Variants in SKIL observed in about 807,000 individuals in gnomAD.
SKIL encodes the protein SKI like proto-oncogene, also known as ski-like protein.
SKIL carries 20 observed loss-of-function variants against 69.6 expected under a neutral mutation model. That is an observed-to-expected ratio of 0.29 (90% confidence interval 0.20 to 0.42). The LOEUF is 0.42. SKIL is among the 10% of genes least tolerant of loss of function. The pLI is 1.00. For synonymous variants in SKIL, 310 were observed against 279.9 expected, an observed-to-expected ratio of 1.11 and a Z score of -1.08; for missense variants, 745 against 783.1, an observed-to-expected ratio of 0.95 and a Z score of 0.58.
intron 1 of SKIL, among the ~76,000 whole-genome samples, chr3:170,359,266 C>T (rs1736096931): frequency 1.3e-5 from 2 of 152,222 alleles, no homozygotes; most frequent in African/African-American, 2.4e-5. Flanking sequence ...ATCACTCAAG[C>T]TTCACCTTGG....
chr3:170,384,987 C>T, intron 4 of SKIL: 1 of 329,488 alleles, frequency 3.0e-6, no homozygotes, highest in Non-Finnish European at 5.5e-6. Flanking sequence ...TACAGGCTAC[C>T]TGGCCTCAGA....
chr3:170,367,865 A>G (rs562604454), intron 2 of SKIL, among the ~76,000 whole-genome samples: 1 of 152,340 alleles, frequency 6.6e-6, no homozygotes, highest in East Asian at 1.9e-4. Flanking sequence ...TCTATAGATT[A>G]CTTATGATAC....
At chr3:170,362,868 C>T (rs1250375786) in intron 2 of SKIL, among the ~76,000 whole-genome samples, 2 of 148,336 alleles carry the variant, frequency 1.3e-5, no homozygotes, top group East Asian at 1.9e-4. Context: ...TTTATTTTTC[C>T]TGCTGCATTA....
At chr3:170,377,888 A>G (rs1238987387) in intron 2 of SKIL, among the ~76,000 whole-genome samples, 2 of 131,148 alleles carry the variant, frequency 1.5e-5, no homozygotes, top group Non-Finnish European at 3.3e-5. Flanking sequence ...TCCCACATAC[A>G]TATTTTTTTC....
At chr3:170,364,163 G>C (rs955445367) in intron 2 of SKIL, among the ~76,000 whole-genome samples, 2 of 152,046 alleles carry the variant, frequency 1.3e-5, no homozygotes, top group African/African-American at 4.8e-5. Context: ...ATGTTGCCCA[G>C]GCTGGCCTCG....
At chr3:170,370,785 G>GA (rs1221293349) in intron 2 of SKIL, among the ~76,000 whole-genome samples, 2 of 151,968 alleles carry the variant, frequency 1.3e-5, no homozygotes, top group African/African-American at 4.8e-5. Context: ...ACAAAAGATT[G>GA]AAAAAAACAA....
chr3:170,385,800 CTTTTT>C (rs903813500), intron 4 of SKIL, among the ~76,000 whole-genome samples: 1 of 149,526 alleles, frequency 6.7e-6, no homozygotes, highest in Non-Finnish European at 1.5e-5. Flanking sequence ...TTCTTTCTTT[CTTTTT>C]TTTCTTTTTT....
chr3:170,369,719 T>G (rs768224606), intron 2 of SKIL, among the ~76,000 whole-genome samples: 1 of 152,126 alleles, frequency 6.6e-6, no homozygotes, highest in East Asian at 1.9e-4. Flanking sequence ...CTAATTTTAA[T>G]CCCTTTAGAA....
chr3:170,387,766 A>AAAAAAAAAAAC (rs1416419622), intron 4 of SKIL, among the ~76,000 whole-genome samples: 1 of 132,568 alleles, frequency 7.5e-6, no homozygotes, highest in Non-Finnish European at 1.7e-5. Flanking sequence ...TACTAAAAAA[A>AAAAAAAAAAAC]AAAAAAAATA....
At chr3:170,389,606 G>T (rs556900791) in intron 4 of SKIL, among the ~76,000 whole-genome samples, 1 of 152,072 alleles carries the variant, frequency 6.6e-6, no homozygotes, top group Non-Finnish European at 1.5e-5. Context: ...GAGCCACCGC[G>T]CCTGGCCAGA....
At chr3:170,370,438 A>G (rs186507741) in intron 2 of SKIL, among the ~76,000 whole-genome samples, 26 of 12,348 alleles carry the variant, frequency 2.1e-3, no homozygotes, top group South Asian at 4.9e-3. Context: ...AGAGAGAGAG[A>G]GCCCCCCCCC....
intron 2 of SKIL, among the ~76,000 whole-genome samples, chr3:170,362,234 G>C (rs1196915965): frequency 1.3e-5 from 2 of 152,210 alleles, no homozygotes; most frequent in South Asian, 2.1e-4. Context: ...CGGGCTCAGT[G>C]GCTCACACCT....
chr3:170,380,906 C>A (rs976916830), intron 2 of SKIL, among the ~76,000 whole-genome samples: 3 of 151,776 alleles, frequency 2.0e-5, no homozygotes, highest in Non-Finnish European at 4.4e-5. Context: ...TGGTTCACTG[C>A]AAGCCTCAAC....
rs147579431 is a variant in SKIL, at chr3:170,386,319, G to A, written c.1429+1554G>A. On this transcript the variant is annotated intron_variant, in intron 4 of 6. Coordinates refer to ENST00000259119, the MANE Select transcript of SKIL (RefSeq NM_005414.5). ...CTAATTTTGTATTTTTAGTAGACACGGGGTTTTTCCATGTTGGTCAGTCTG... is the reference window on the plus strand; with the variant it reads ...CTAATTTTGTATTTTTAGTAGACACAGGGTTTTTCCATGTTGGTCAGTCTG... 5.4e-3 allele frequency among the ~76,000 whole-genome samples: 810 copies of A among 151,028 alleles called. 5 individuals carry two copies. The highest frequency in any genetic ancestry group is 0.018 in the African/African-American group (733 of 41,106).
At chr3:170,375,031 A>C (rs1203814786) in intron 2 of SKIL, among the ~76,000 whole-genome samples, 1 of 152,210 alleles carries the variant, frequency 6.6e-6, no homozygotes, top group African/African-American at 2.4e-5. Context: ...TATTTGATAG[A>C]TGAGTCCCTA....
At chr3:170,383,716 G>GCT (rs1737474494) in intron 3 of SKIL, among the ~76,000 whole-genome samples, 1 of 152,094 alleles carries the variant, frequency 6.6e-6, no homozygotes. Flanking sequence ...GACATTCAGA[G>GCT]CTCTCTCTCT....
At chr3:170,363,305 A>G (rs1474086944) in intron 2 of SKIL, among the ~76,000 whole-genome samples, 3 of 152,130 alleles carry the variant, frequency 2.0e-5, no homozygotes, top group Admixed American at 1.3e-4. Context: ...TGGTGCCTTT[A>G]AGGTTTTGAG....
In SKIL at chr3:170,390,332, A is replaced by T. The variant is rs777463243; in HGVS notation, c.1539A>T (p.Ser513=). The change falls in exon 5 of 7, where the codon TCA becomes TCT. Residue 513 remains serine (S), a synonymous_variant. Transcript: ENST00000259119. ...KVGIGLVAAA[S]SPLLVKDVIC... is the part of the protein sequence containing the mutation. ...GAATTGGCCTTGTTGCTGCCGCTTC[A>T]TCTCCGCTTCTTGTGAAAGATGTCA... The T allele has an allele frequency of 6.2e-7, 1 of 1,614,180 alleles. No homozygotes were observed. The highest frequency in any genetic ancestry group is 2.2e-5 in the East Asian group (1 of 44,878).
In SKIL at chr3:170,357,729, C is replaced by T; in HGVS notation, c.-668C>T. Reference sequence around the variant, plus strand: ...GCCGCGCCGGCACAGCCGAAGGGAGCGGGCGAGCGGCGACGGCGGCGGCGG... The same window carrying T: ...GCCGCGCCGGCACAGCCGAAGGGAGTGGGCGAGCGGCGACGGCGGCGGCGG... On this transcript the variant is annotated 5_prime_UTR_variant, in exon 1 of 7. Coordinates refer to ENST00000259119, the MANE Select transcript of SKIL (RefSeq NM_005414.5). 1 of 162,612 alleles carries T rather than the reference C, an allele frequency of 6.1e-6. No individual in the cohort carries two copies. The highest frequency in any genetic ancestry group is 1.3e-5 in the Non-Finnish European group (1 of 77,186). 10.1% of individuals were successfully genotyped at this position (162,612 alleles called of 1,614,324 possible). A position where few individuals can be genotyped will look rare whatever the true frequency, so the allele number is the denominator to read the frequency against.
Sources: allele counts gnomAD v4.1 joint callset (sites outside exome capture counted in the v4.1 genomes callset), GRCh38; gene constraint gnomAD v4.1.1; transcripts MANE v1.5; gene names NCBI Gene and HGNC (gene_info 2026-07-23, HGNC 2026-07-21).